The following CSMD3 variants were observed in gnomAD, a reference collection of about 807,000 sequenced individuals.
The protein encoded by CSMD3 is CUB and Sushi multiple domains 3.
A neutral mutation model predicts 435.2 loss-of-function variants in CSMD3; 177 were observed. That is an observed-to-expected ratio of 0.41 (90% CI 0.36 to 0.46). CSMD3 has a LOEUF of 0.46. Among genes scored for constraint, CSMD3 ranks in the 20% least tolerant of loss-of-function variants. The probability of loss-of-function intolerance (pLI) is 0.34; values close to 1 mark genes in which losing one functional copy is unlikely to be tolerated. For missense variants in CSMD3, 4,265 were observed against 4,504.6 expected (o/e 0.95, Z 1.52); for synonymous variants, 1,656 against 1,520.5 (o/e 1.09, Z -2.07).
chr8:112,899,523 T>TA (rs2082042468), intron 10 of CSMD3, among the ~76,000 whole-genome samples: 1 of 144,476 alleles, frequency 6.9e-6, no homozygotes, highest in Admixed American at 7.0e-5. Flanking sequence ...TCTATATATA[T>TA]ATATATAGAA....
At chr8:112,341,796 A>T in intron 41 of CSMD3, 110 bp from the exon 42 acceptor site, 1 of 775,010 alleles carries the variant, frequency 1.3e-6, no homozygotes, top group South Asian at 1.5e-5. Flanking sequence ...CATTTAAGTC[A>T]AGAGGCATAA....
chr8:112,810,931 T>C (rs771966740), intron 12 of CSMD3, among the ~76,000 whole-genome samples: 1 of 152,028 alleles, frequency 6.6e-6, no homozygotes, highest in African/African-American at 2.4e-5. Flanking sequence ...GTATAAGCAA[T>C]GTAGATACCA....
rs186607673 is a variant in CSMD3, at chr8:112,937,243, G to C, written c.1508+10547C>G. On this transcript the variant is annotated intron_variant, in intron 9 of 70. Coordinates refer to ENST00000297405, the MANE Select transcript of CSMD3 (RefSeq NM_198123.2). ...ATACAACTTGAAATATATTTTTTTT[G>C]TAAGAGCTAGTTTTTATATGGTAAT... Among the ~76,000 whole-genome samples, 138 of 151,566 alleles carry C rather than the reference G, an allele frequency of 9.1e-4. 1 individual carries two copies. Among genetic ancestry groups the C allele is most frequent in the Non-Finnish European group, 6.9e-4 (47 of 67,900 alleles).
intron 3 of CSMD3, among the ~76,000 whole-genome samples, chr8:113,183,753 T>C (rs1440341237): frequency 6.6e-6 from 1 of 152,028 alleles, no homozygotes; most frequent in African/African-American, 2.4e-5. Flanking sequence ...ATGTGATATT[T>C]TGATACTATA....
At chr8:112,897,509 C>T (rs568533697) in intron 10 of CSMD3, among the ~76,000 whole-genome samples, 1 of 151,324 alleles carries the variant, frequency 6.6e-6, no homozygotes, top group Non-Finnish European at 1.5e-5. Context: ...CATTCCCTTA[C>T]TGATTAATCT....
intron 2 of CSMD3, among the ~76,000 whole-genome samples, chr8:113,296,683 AATGTT>A (rs1258767064): frequency 6.6e-6 from 1 of 152,200 alleles, no homozygotes; most frequent in African/African-American, 2.4e-5. Flanking sequence ...GTGTCCCATG[AATGTT>A]ATGTTATCAG....
chr8:112,760,735 C>G (rs1044880370), intron 13 of CSMD3, among the ~76,000 whole-genome samples: 3 of 152,062 alleles, frequency 2.0e-5, no homozygotes, highest in African/African-American at 7.2e-5. Context: ...TAGACTTATT[C>G]CCACCATAAT....
chr8:112,936,658 A>G (rs994726167), intron 9 of CSMD3, among the ~76,000 whole-genome samples: 6 of 152,092 alleles, frequency 3.9e-5, no homozygotes, highest in Non-Finnish European at 8.8e-5. Context: ...CAATGATCTC[A>G]CTTTTATAGA....
At position 112,771,954 on chromosome 8, in the gene CSMD3, C is replaced by G. The variant is rs189761301; in HGVS notation, c.1972+28208G>C. Among the ~76,000 whole-genome samples the G allele has an allele frequency of 5.9e-5, 9 of 152,052 alleles. No individual in the cohort carries two copies. In the East Asian group the frequency reaches 1.7e-3, roughly 29 times the overall value. On this transcript the variant is annotated intron_variant, in intron 13 of 70. Transcript: ENST00000297405. ...CCGAATACAGTAAATCAAATATACT[C>G]AAACACACAATTGAAGATATAAAAA...
At chr8:112,959,582 G>A (rs147746964) in intron 7 of CSMD3, among the ~76,000 whole-genome samples, 24 of 151,530 alleles carry the variant, frequency 1.6e-4, no homozygotes, top group South Asian at 4.2e-4. Context: ...TGCCTTTCTC[G>A]TCTTCTTTTG....
intron 5 of CSMD3, among the ~76,000 whole-genome samples, chr8:113,036,262 A>C (rs913939214): frequency 1.3e-5 from 2 of 152,044 alleles, no homozygotes; most frequent in Admixed American, 6.6e-5. Flanking sequence ...CAGTGCGTCT[A>C]TTCAAGGTGA....
intron 2 of CSMD3, among the ~76,000 whole-genome samples, chr8:113,286,074 C>A (rs1294518758): frequency 6.6e-6 from 1 of 151,602 alleles, no homozygotes; most frequent in African/African-American, 2.4e-5. Flanking sequence ...TTGATAATCT[C>A]TATTCTTATT....
intron 12 of CSMD3, among the ~76,000 whole-genome samples, chr8:112,819,329 G>C (rs1368000953): frequency 1.3e-5 from 2 of 151,998 alleles, no homozygotes; most frequent in East Asian, 3.9e-4. Flanking sequence ...GAGAGGAGAG[G>C]GTGGCCAATT....
At chr8:113,096,912 G>C (rs2090180036) in intron 5 of CSMD3, among the ~76,000 whole-genome samples, 1 of 151,968 alleles carries the variant, frequency 6.6e-6, no homozygotes, top group African/African-American at 2.4e-5. Flanking sequence ...TTGCTCTCTT[G>C]ACCTCTCTTA....
chr8:113,134,115 A>G (rs1323050982), intron 4 of CSMD3, among the ~76,000 whole-genome samples: 2 of 152,140 alleles, frequency 1.3e-5, no homozygotes, highest in Admixed American at 1.3e-4. Context: ...GCATTTACAG[A>G]TTGCAAACTG....
At chr8:112,908,038 T>A (rs995409764) in intron 10 of CSMD3, among the ~76,000 whole-genome samples, 1 of 151,428 alleles carries the variant, frequency 6.6e-6, no homozygotes, top group African/African-American at 2.4e-5. Flanking sequence ...CATGATAATA[T>A]TAGAGATTCT....
At chr8:113,153,101 A>AAAGG (rs35085690) in intron 4 of CSMD3, among the ~76,000 whole-genome samples, 2 of 99,992 alleles carry the variant, frequency 2.0e-5, no homozygotes, top group African/African-American at 9.4e-5. Context: ...AGAAAGAAAG[A>AAAGG]AAAGAAAGAA....
At chr8:112,865,657 T>A in intron 10 of CSMD3, among the ~76,000 whole-genome samples, 1 of 150,586 alleles carries the variant, frequency 6.6e-6, no homozygotes, top group East Asian at 2.0e-4. Context: ...CTCTAAACTT[T>A]AGTTTCTTAA....
intron 59 of CSMD3, among the ~76,000 whole-genome samples, chr8:112,276,583 G>A (rs994287240): frequency 2.6e-5 from 4 of 151,902 alleles, no homozygotes; most frequent in Non-Finnish European, 5.9e-5. Flanking sequence ...TCAGACCCAG[G>A]GCCTTCCTAC....
Sources: allele counts gnomAD v4.1 joint callset (sites outside exome capture counted in the v4.1 genomes callset), GRCh38; gene constraint gnomAD v4.1.1; transcripts MANE v1.5; gene names NCBI Gene and HGNC (gene_info 2026-07-23, HGNC 2026-07-21).